ASIC2: variants seen among roughly 807,000 people sequenced by gnomAD.
ASIC2 encodes acid sensing ion channel subunit 2.
In ASIC2, 25 loss-of-function variants were observed where a neutral mutation model predicts 57.3. The ratio of observed to expected loss-of-function variants is 0.44; its 90% CI spans 0.32 to 0.61. The LOEUF (loss-of-function observed/expected upper bound fraction) is 0.61. ASIC2 is among the 20% of genes least tolerant of loss of function. The probability of loss-of-function intolerance (pLI) is 0.06; values close to 1 mark genes in which losing one functional copy is unlikely to be tolerated. For missense variants in ASIC2, 641 were observed against 738.1 expected (o/e 0.87, Z 1.52); for synonymous variants, 319 against 307.5 (o/e 1.04, Z -0.39).
At chr17:33,943,905 A>G (rs1315083828) in intron 1 of ASIC2, among the ~76,000 whole-genome samples, 1 of 151,970 alleles carries the variant, frequency 6.6e-6, no homozygotes, top group Non-Finnish European at 1.5e-5. Flanking sequence ...TCTTCTTCTG[A>G]TTCACCCTCG....
intron 8 of ASIC2, 22 bp downstream of exon 8, chr17:33,017,583 T>C (rs1393805022): frequency 6.2e-7 from 1 of 1,600,376 alleles, no homozygotes; most frequent in Non-Finnish European, 8.6e-7. Context: ...GTCATTTCCC[T>C]GTGGGGAATC....
rs574068305 is a variant in ASIC2 at position 34,036,066 on chromosome 17, T to G, written c.555+119912A>C. Among the ~76,000 whole-genome samples the G allele has an allele frequency of 1.8e-4, 27 of 152,220 alleles. No individual in the cohort carries two copies. The South Asian group carries it at 5.0e-3, about 28-fold the overall frequency. On this transcript the variant is annotated intron_variant, in intron 1 of 9. Transcript: ENST00000359872. The stretch of plus-strand genomic sequence containing the variant: ...TAAATCATGCTGCCATAAAGACACA[T>G]GCACACATATGTTTATATCGTCAAT...
chr17:33,209,212 C>A (rs1471015027), intron 1 of ASIC2, among the ~76,000 whole-genome samples: 1 of 152,176 alleles, frequency 6.6e-6, no homozygotes, highest in Non-Finnish European at 1.5e-5. Context: ...GACTCTTTCT[C>A]CCAGTCTTCT....
intron 1 of ASIC2, among the ~76,000 whole-genome samples, chr17:33,480,108 C>T (rs1913355458): frequency 6.6e-6 from 1 of 152,156 alleles, no homozygotes. Context: ...AGGCATATGC[C>T]ATCTTCCCAT....
intron 1 of ASIC2, among the ~76,000 whole-genome samples, chr17:33,373,976 C>T (rs1909182260): frequency 6.6e-6 from 1 of 151,888 alleles, no homozygotes; most frequent in Admixed American, 6.6e-5. Context: ...CTGCGCCCTG[C>T]TGTTCTTTAT....
chr17:34,008,981 T>G (rs1324222671), intron 1 of ASIC2, among the ~76,000 whole-genome samples: 1 of 152,236 alleles, frequency 6.6e-6, no homozygotes, highest in African/African-American at 2.4e-5. Context: ...AAATTTAGAC[T>G]TTTGATTCCT....
At chr17:33,541,376 C>T (rs967038088) in intron 1 of ASIC2, 5 of 152,168 alleles carry the variant, frequency 3.3e-5, no homozygotes, top group African/African-American at 9.7e-5. Flanking sequence ...AATGTCCCCC[C>T]CGAACAGAGT....
intron 1 of ASIC2, among the ~76,000 whole-genome samples, chr17:33,235,396 C>G (rs756638791): frequency 3.9e-5 from 6 of 152,178 alleles, no homozygotes; most frequent in Non-Finnish European, 7.3e-5. Flanking sequence ...AGAGCTGAGC[C>G]AGGATGAGTC....
intron 1 of ASIC2, among the ~76,000 whole-genome samples, chr17:33,557,984 T>C (rs974471599): frequency 1.3e-5 from 2 of 151,970 alleles, no homozygotes; most frequent in Admixed American, 1.3e-4. Flanking sequence ...ATTTGGACCA[T>C]ATTTTTTCTA....
intron 1 of ASIC2, among the ~76,000 whole-genome samples, chr17:33,631,462 A>G (rs142174160): frequency 7.4e-4 from 113 of 151,756 alleles, no homozygotes; most frequent in African/African-American, 2.7e-3. Flanking sequence ...TGGGCTTTGG[A>G]GAGAGACCTA....
intron 1 of ASIC2, among the ~76,000 whole-genome samples, chr17:33,772,535 C>T (rs1303897538): frequency 2.6e-5 from 4 of 152,184 alleles, no homozygotes; most frequent in South Asian, 4.1e-4. Context: ...GAAACCTGTA[C>T]GGGGCCAAGG....
At chr17:34,143,011 A>C (rs1912313394) in intron 1 of ASIC2, 1 of 152,226 alleles carries the variant, frequency 6.6e-6, no homozygotes. Context: ...CTCCACCTGC[A>C]CGTTCCCAAG....
intron 1 of ASIC2, among the ~76,000 whole-genome samples, chr17:33,957,017 C>G (rs1262587224): frequency 6.6e-6 from 1 of 152,196 alleles, no homozygotes; most frequent in African/African-American, 2.4e-5. Flanking sequence ...CTCTGACAAT[C>G]AGAATAATGG....
chr17:33,412,030 C>T (rs1445380520), intron 1 of ASIC2, among the ~76,000 whole-genome samples: 2 of 151,546 alleles, frequency 1.3e-5, no homozygotes, highest in Non-Finnish European at 2.9e-5. Flanking sequence ...CAAAACAAAA[C>T]AAAACAAAAC....
At chr17:33,525,712 C>G (rs1488712155) in intron 1 of ASIC2, among the ~76,000 whole-genome samples, 2 of 152,204 alleles carry the variant, frequency 1.3e-5, no homozygotes, top group Non-Finnish European at 2.9e-5. Context: ...TAACAAATCC[C>G]TTATTATTTA....
intron 1 of ASIC2, among the ~76,000 whole-genome samples, chr17:33,599,367 A>G (rs1470513867): frequency 6.6e-6 from 1 of 152,150 alleles, no homozygotes; most frequent in Non-Finnish European, 1.5e-5. Flanking sequence ...AGGTATGTGG[A>G]TGAGGAGGTT....
At chr17:33,293,788 A>C (rs112215631), upstream of ASIC2, among the ~76,000 whole-genome samples, 54 of 152,074 alleles carry the variant, frequency 3.6e-4, no homozygotes, top group African/African-American at 1.3e-3. Flanking sequence ...TGCAGGATGT[A>C]GTGTCTATGG....
intron 1 of ASIC2, among the ~76,000 whole-genome samples, chr17:33,795,335 C>T (rs778699030): frequency 5.3e-5 from 8 of 152,238 alleles, no homozygotes; most frequent in Non-Finnish European, 1.2e-4. Context: ...CCTTCAACTC[C>T]AGAGTCCTGC....
chr17:33,298,757 C>T (rs1001038271), intron 1 of ASIC2, among the ~76,000 whole-genome samples: 3 of 152,170 alleles, frequency 2.0e-5, no homozygotes, highest in Admixed American at 1.3e-4. Flanking sequence ...TCTCCAGCAC[C>T]TGTTGTTTCC....
Sources: allele counts gnomAD v4.1 joint callset (sites outside exome capture counted in the v4.1 genomes callset), GRCh38; gene constraint gnomAD v4.1.1; transcripts MANE v1.5; gene names NCBI Gene and HGNC (gene_info 2026-07-23, HGNC 2026-07-21).